The following C17orf75 variants were observed in gnomAD, a reference collection of about 807,000 sequenced individuals.
The protein encoded by C17orf75 is chromosome 17 open reading frame 75, also known as protein Njmu-R1.
A neutral mutation model predicts 49.6 loss-of-function variants in C17orf75; 32 were observed. That is an observed-to-expected ratio of 0.65 (90% confidence interval 0.49 to 0.87). The LOEUF (loss-of-function observed/expected upper bound fraction) is 0.87. Ranked by LOEUF, C17orf75 falls within the 40% of genes least tolerant of loss-of-function variation. The pLI is 0.00. For synonymous variants in C17orf75, 158 were observed against 159.5 expected, an observed-to-expected ratio of 0.99 and a Z score of 0.07; for missense variants, 428 against 473.9, an observed-to-expected ratio of 0.90 and a Z score of 0.90.
upstream of C17orf75, among the ~76,000 whole-genome samples, chr17:32,345,076 TAGCCAAGAA>T (rs1397080323): frequency 1.3e-5 from 2 of 152,174 alleles, no homozygotes; most frequent in African/African-American, 4.8e-5. Flanking sequence ...CCTCCAATAT[TAGCCAAGAA>T]AGGGTATATA....
intron 1 of C17orf75, chr17:32,349,903 T>G: frequency 9.5e-7 from 1 of 1,057,914 alleles, no homozygotes; most frequent in Admixed American, 5.0e-5. Context: ...TTTCCGTTTT[T>G]TTGTTTTCTG....
rs2041468053 is a variant in C17orf75 at position 32,349,898 on chromosome 17, GT to G, written c.-7+43del. ...CCTAACTGCACTGGCAATCTTTTCC[GT>G]TTTTTTGTTTTCTGTTTTCCATTCG... On this transcript the variant is annotated intron_variant, in intron 1 of 8. Coordinates refer to the C17orf75 transcript ENST00000583774. The G allele has an allele frequency of 6.7e-6, 7 of 1,050,990 alleles. No individual in the cohort carries two copies. In the South Asian group the frequency reaches 1.3e-4, roughly 19 times the overall value. The allele number at this position is 1,050,990 out of a possible 1,614,324, so 65.1% of individuals were successfully genotyped here. A position where few individuals can be genotyped will look rare whatever the true frequency, so the allele number is the denominator to read the frequency against.
intron 7 of C17orf75, 80 bp from the exon 8 acceptor site, chr17:32,334,685 G>T: frequency 6.3e-7 from 1 of 1,577,704 alleles, no homozygotes; most frequent in Non-Finnish European, 8.6e-7. Context: ...GCACTGGGCT[G>T]GTGGGGAAGG....
Position 32,338,292 on chromosome 17 carries a change from G to A in C17orf75, c.407C>T (p.Pro136Leu). 1 of 1,611,894 alleles carries A rather than the reference G, an allele frequency of 6.2e-7. No individual in the cohort carries two copies. Among genetic ancestry groups the A allele is most frequent in the South Asian group, 1.1e-5 (1 of 90,390 alleles). Residue 136 changes from proline to leucine, a missense_variant, in exon 4 of 10, where the codon CCT (proline) becomes CTT (leucine). Physicochemically the swap from Pro to Leu is moderately conservative, Grantham distance 98. Coordinates refer to ENST00000577809, the MANE Select transcript of C17orf75 (RefSeq NM_022344.4). ...TTCAGAGTCTATCGTTACTGTTTCA[G>A]GAAGCAGTTTTTCATTTTGGAAAAG... ...YCLFQNEKLL[P>L]ETVTIDSERN...
upstream of C17orf75, chr17:32,343,642 A>G (rs1302837485): frequency 7.5e-6 from 4 of 530,880 alleles, no homozygotes; most frequent in Non-Finnish European, 3.4e-6. Flanking sequence ...TAGCAGTCAG[A>G]TTCTTAAAAG....
rs1436036593 is a variant in C17orf75 at position 32,330,307 on chromosome 17, G to C, written c.*1456C>G. ...TGAGTCATGTCCCGAGGCTTATGTA[G>C]AGGAGAAAGCAGAAGGCCATTGTCA... On this transcript the variant is annotated 3_prime_UTR_variant, in exon 10 of 10. Transcript: ENST00000577809. 1 of 152,208 alleles carries C rather than the reference G, an allele frequency of 6.6e-6. No individual in the cohort carries two copies. The highest frequency in any genetic ancestry group is 1.5e-5 in the Non-Finnish European group (1 of 68,034). 9.4% of individuals were successfully genotyped at this position (152,208 alleles called of 1,614,324 possible).
chr17:32,343,824 T>C (rs2041403674), upstream of C17orf75: 2 of 673,236 alleles, frequency 3.0e-6, no homozygotes, highest in South Asian at 1.5e-5. Flanking sequence ...CAGTAGTCTC[T>C]TGAGATATAC....
At position 32,340,087 on chromosome 17, in the gene C17orf75, G is replaced by A; in HGVS notation, c.222-149C>T. On this transcript the variant is annotated intron_variant, in intron 2 of 9. Transcript: ENST00000577809. ...CCCTATTGGTGAGGCTTCTAGGAATGTATGTCACTAAGTATGATCTACCTC... is the reference window on the plus strand; with the variant it reads ...CCCTATTGGTGAGGCTTCTAGGAATATATGTCACTAAGTATGATCTACCTC... 6.1e-6 allele frequency: 5 copies of A among 825,910 alleles called. No individual in the cohort carries two copies. In the Admixed American group the frequency reaches 1.2e-4, roughly 20 times the overall value. The allele number at this position is 825,910 out of a possible 1,614,324, so 51.2% of individuals were successfully genotyped here.
At chr17:32,332,572 C>T (rs1479814244) in intron 9 of C17orf75, among the ~76,000 whole-genome samples, 1 of 152,134 alleles carries the variant, frequency 6.6e-6, no homozygotes, top group Non-Finnish European at 1.5e-5. Flanking sequence ...TGAGACTAGC[C>T]TGGGCAACAC....
intron 5 of C17orf75, 144 bp from the exon 6 acceptor site, chr17:32,335,586 G>A (rs1398792271): frequency 9.7e-7 from 1 of 1,028,040 alleles, no homozygotes; most frequent in African/African-American, 1.6e-5. Flanking sequence ...TTCAAAAAAA[G>A]AAATTGTGAT....
intron 2 of C17orf75, chr17:32,340,883 T>C: frequency 3.7e-6 from 1 of 271,490 alleles, no homozygotes. Context: ...AGGTTGACGC[T>C]GCAGCGAGCC....
chr17:32,342,370 C>G (rs1041085810), upstream of C17orf75: 5 of 554,700 alleles, frequency 9.0e-6, no homozygotes, highest in African/African-American at 5.9e-5. Flanking sequence ...TTATTTTGAA[C>G]TTATTTTCCT....
At chr17:32,343,442 G>A (rs796118987), upstream of C17orf75, 5 of 214,522 alleles carry the variant, frequency 2.3e-5, no homozygotes, top group Non-Finnish European at 4.5e-5. Flanking sequence ...TACAAGTTAG[G>A]TTTTTCAGAT....
intron 6 of C17orf75, among the ~76,000 whole-genome samples, 194 bp from the exon 7 acceptor site, chr17:32,335,033 G>C (rs1024374950): frequency 2.0e-5 from 3 of 152,116 alleles, no homozygotes; most frequent in Admixed American, 2.0e-4. Flanking sequence ...CTGGATTTTT[G>C]TTTTCCTTTT....
Position 32,331,666 on chromosome 17 carries a change from A to ATCT in C17orf75, c.*94_*96dup, listed in dbSNP as rs1420647610. ...GAAAATCTGGATTGAGTTTCAAATCATCTTAAATAGCAATCCTATGAACAA... is the reference window on the plus strand; with the variant it reads ...GAAAATCTGGATTGAGTTTCAAATCATCTTCTTAAATAGCAATCCTATGAACAA... On this transcript the variant is annotated 3_prime_UTR_variant, in exon 10 of 10. Transcript: ENST00000577809. 3.1e-6 allele frequency: 3 copies of ATCT among 980,484 alleles called. No homozygotes were observed. The African/African-American group carries it at 4.9e-5, about 16-fold the overall frequency. 60.7% of individuals were successfully genotyped at this position (980,484 alleles called of 1,614,324 possible).
rs1308043829 is a variant in C17orf75, at chr17:32,341,291, G to C, written c.141-7C>G. ...CCCTCGTTGCTGTGCCAATCTACAA[G>C]CCACAAAACCAATAGTGCTATCAAT... On this transcript the variant is annotated splice_polypyrimidine_tract_variant and splice_region_variant and intron_variant, in intron 1 of 9. Transcript: ENST00000577809. The C allele has an allele frequency of 6.2e-7, 1 of 1,613,750 alleles. No individual in the cohort carries two copies. Among genetic ancestry groups the C allele is most frequent in the South Asian group, 1.1e-5 (1 of 91,082 alleles).
chr17:32,339,898 G>T lies in C17orf75; in HGVS notation c.262C>A (p.Pro88Thr). The T allele has an allele frequency of 6.2e-7, 1 of 1,614,010 alleles. No individual in the cohort carries two copies. Among genetic ancestry groups the T allele is most frequent in the Middle Eastern group, 1.6e-4 (1 of 6,062 alleles). ...ADTNLPSEVE[P>T]ELRSFIAKRL... The stretch of plus-strand genomic sequence containing the variant: ...TTAGCAATGAAACTGCGCAGCTCTG[G>T]CTCCACTTCGGATGGTAGATTAGTA... The change falls in exon 3 of 10, where the codon CCA becomes ACA. Residue 88 changes from proline to threonine, a missense_variant. Pro to Thr is a conservative substitution (Grantham distance 38). Coordinates refer to ENST00000577809, the MANE Select transcript of C17orf75 (RefSeq NM_022344.4).
chr17:32,345,499 T>C (rs900481019), upstream of C17orf75, among the ~76,000 whole-genome samples: 1 of 150,948 alleles, frequency 6.6e-6, no homozygotes, highest in Non-Finnish European at 1.5e-5. Flanking sequence ...GAAATAGAAT[T>C]TTAGATTGAT....
At chr17:32,333,074 G>C (rs2041292046) in intron 9 of C17orf75, among the ~76,000 whole-genome samples, 1 of 152,156 alleles carries the variant, frequency 6.6e-6, no homozygotes, top group African/African-American at 2.4e-5. Context: ...GTCTCCCAAA[G>C]TGCTGGGATT....
Sources: gnomAD v4.1 joint callset for allele counts (sites outside exome capture counted in the v4.1 genomes callset) on GRCh38, gnomAD v4.1.1 for gene constraint, MANE v1.5 for transcripts, NCBI Gene and HGNC (gene_info 2026-07-23, HGNC 2026-07-21) for gene names.